The following FCHSD2 variants were observed in gnomAD, a reference collection of about 807,000 sequenced individuals.
FCHSD2 encodes the protein FCH and double SH3 domains 2.
A neutral mutation model predicts 108.1 loss-of-function variants in FCHSD2; 38 were observed. The observed-to-expected ratio is 0.35, with a 90% confidence interval of 0.27 to 0.46. The LOEUF is 0.46. Among genes scored for constraint, FCHSD2 ranks in the 20% least tolerant of loss-of-function variants. FCHSD2 has a pLI of 1.00. For synonymous variants in FCHSD2, 279 were observed against 314.7 expected, an observed-to-expected ratio of 0.89 and a Z score of 1.20; for missense variants, 751 against 897.8, an observed-to-expected ratio of 0.84 and a Z score of 2.09.
chr11:72,995,855 C>T (rs1414044710), intron 5 of FCHSD2, among the ~76,000 whole-genome samples: 1 of 152,002 alleles, frequency 6.6e-6, no homozygotes, highest in East Asian at 1.9e-4. Flanking sequence ...TGATTAGGTT[C>T]TCTAACCCAG....
At chr11:72,860,896 G>A (rs1368594446) in intron 13 of FCHSD2, among the ~76,000 whole-genome samples, 1 of 152,038 alleles carries the variant, frequency 6.6e-6, no homozygotes, top group Non-Finnish European at 1.5e-5. Flanking sequence ...TTTGTGCAAT[G>A]GACCTAAAGC....
At chr11:73,030,747 T>C (rs890346264) in intron 3 of FCHSD2, among the ~76,000 whole-genome samples, 1 of 152,222 alleles carries the variant, frequency 6.6e-6, no homozygotes, top group South Asian at 2.1e-4. Flanking sequence ...TACATATTGA[T>C]AGTGAAATGG....
Position 73,078,893 on chromosome 11 carries a change from T to A in FCHSD2, c.165+4802A>T, listed in dbSNP as rs997666128. 5.0e-4 allele frequency among the ~76,000 whole-genome samples: 76 copies of A among 151,840 alleles called. 1 individual carries two copies. The highest frequency in any genetic ancestry group is 1.5e-4 in the Non-Finnish European group (10 of 67,938). On this transcript the variant is annotated intron_variant, in intron 3 of 19. Transcript: ENST00000409418. ...TCACCTCGCCTGGCTAATTTTTTTT[T>A]ATTTTTTATAGAGATGGGGCCTCAT... is the stretch of plus-strand genomic sequence containing the variant.
intron 3 of FCHSD2, among the ~76,000 whole-genome samples, chr11:73,025,832 G>A (rs1417198399): frequency 1.2e-4 from 18 of 152,028 alleles, no homozygotes. Flanking sequence ...GTGTTATGCT[G>A]TATGATGTAC....
intron 2 of FCHSD2, among the ~76,000 whole-genome samples, chr11:73,114,258 A>C (rs539749155): frequency 6.6e-6 from 1 of 151,838 alleles, no homozygotes; most frequent in East Asian, 2.0e-4. Flanking sequence ...GCCAATGTTC[A>C]CTTCAGGCTC....
At chr11:72,959,425 C>T (rs1299458535) in intron 8 of FCHSD2, among the ~76,000 whole-genome samples, 4 of 148,628 alleles carry the variant, frequency 2.7e-5, no homozygotes, top group Admixed American at 1.3e-4. Context: ...TTAGTAGAGA[C>T]GGGGTTTCAC....
rs181717233 is a variant in FCHSD2, at chr11:72,846,783, G to A, written c.1443+2972C>T. ...CCTGATTATATCATACATGTTCATC[G>A]TAGAAAAGCTGGAAAATATGCATAA... On this transcript the variant is annotated intron_variant, in intron 14 of 19. Coordinates refer to ENST00000409418, the MANE Select transcript of FCHSD2 (RefSeq NM_014824.3). 1.5e-3 allele frequency among the ~76,000 whole-genome samples: 234 copies of A among 152,036 alleles called. 1 individual carries two copies. Among genetic ancestry groups the A allele is most frequent in the Middle Eastern group, 3.4e-3 (1 of 294 alleles).
chr11:73,127,321 G>C (rs574779987), intron 2 of FCHSD2, among the ~76,000 whole-genome samples: 2 of 152,124 alleles, frequency 1.3e-5, no homozygotes, highest in Non-Finnish European at 1.5e-5. Flanking sequence ...AACAAAGCAC[G>C]ATCAAGGAAT....
At chr11:73,014,332 C>T (rs1456257703) in intron 4 of FCHSD2, among the ~76,000 whole-genome samples, 1 of 151,854 alleles carries the variant, frequency 6.6e-6, no homozygotes, top group Non-Finnish European at 1.5e-5. Context: ...TATCACTATA[C>T]TGCCCAGTCT....
chr11:73,081,925 G>C (rs745661517), intron 3 of FCHSD2, among the ~76,000 whole-genome samples: 1 of 152,068 alleles, frequency 6.6e-6, no homozygotes, highest in East Asian at 1.9e-4. Flanking sequence ...ATTCAAGATC[G>C]GGCGCGGTGA....
At chr11:72,925,416 C>T (rs1856056852) in intron 8 of FCHSD2, among the ~76,000 whole-genome samples, 1 of 152,140 alleles carries the variant, frequency 6.6e-6, no homozygotes, top group Non-Finnish European at 1.5e-5. Flanking sequence ...ATCTCAGCTA[C>T]TTGGGAGGCT....
intron 2 of FCHSD2, among the ~76,000 whole-genome samples, chr11:73,097,615 C>CTTT (rs200159157): frequency 2.1e-5 from 2 of 95,304 alleles, no homozygotes; most frequent in Non-Finnish European, 4.7e-5. Context: ...GTGAGGTGTT[C>CTTT]TTTTTTTTTT....
chr11:73,068,829 A>AAG (rs1555083192), intron 3 of FCHSD2, among the ~76,000 whole-genome samples: 9 of 148,404 alleles, frequency 6.1e-5, no homozygotes, highest in African/African-American at 2.2e-4. Flanking sequence ...AAAAAAAAAA[A>AAG]AAAGAAAAAG....
chr11:72,964,922 G>C (rs1041814284), intron 8 of FCHSD2, among the ~76,000 whole-genome samples: 1 of 151,272 alleles, frequency 6.6e-6, no homozygotes, highest in African/African-American at 2.4e-5. Context: ...CCCGAGTAGC[G>C]GGGACTACAG....
intron 8 of FCHSD2, among the ~76,000 whole-genome samples, chr11:72,957,029 TTTTC>T (rs960408610): frequency 1.8e-4 from 27 of 151,764 alleles, no homozygotes; most frequent in African/African-American, 4.1e-4. Flanking sequence ...CTTTTTTTTT[TTTTC>T]TTCTTTTTTT....
chr11:73,104,131 G>A (rs1488366139), intron 2 of FCHSD2, among the ~76,000 whole-genome samples: 2 of 152,356 alleles, frequency 1.3e-5, no homozygotes, highest in African/African-American at 4.8e-5. Context: ...GGCTAACAGT[G>A]TAATTCCAGT....
At chr11:72,988,333 G>A (rs942640004) in intron 6 of FCHSD2, among the ~76,000 whole-genome samples, 2 of 151,970 alleles carry the variant, frequency 1.3e-5, no homozygotes, top group Non-Finnish European at 2.9e-5. Flanking sequence ...TATATTGCTT[G>A]CTTTATATCA....
chr11:72,962,591 T>G (rs1471178652), intron 8 of FCHSD2, among the ~76,000 whole-genome samples: 1 of 48,822 alleles, frequency 2.0e-5, no homozygotes, highest in Non-Finnish European at 4.2e-5. Flanking sequence ...GGATATGAAC[T>G]AAATTCCCCC....
intron 2 of FCHSD2, among the ~76,000 whole-genome samples, chr11:73,105,343 T>C (rs962088647): frequency 6.6e-6 from 1 of 152,258 alleles, no homozygotes; most frequent in South Asian, 2.1e-4. Flanking sequence ...ATTAGCTCCA[T>C]GCTTTATCAC....
Sources: allele counts gnomAD v4.1 joint callset (sites outside exome capture counted in the v4.1 genomes callset), GRCh38; gene constraint gnomAD v4.1.1; transcripts MANE v1.5; gene names NCBI Gene and HGNC (gene_info 2026-07-23, HGNC 2026-07-21).